The following HELLS variants were observed in gnomAD, a reference collection of about 807,000 sequenced individuals.
The protein encoded by HELLS is helicase, lymphoid specific, also known as lymphoid-specific helicase.
Under a neutral mutation model 120.0 loss-of-function variants are expected in HELLS, and 32 were observed. The observed-to-expected ratio is 0.27, with a 90% CI of 0.20 to 0.36. HELLS has a LOEUF of 0.36. Ranked by LOEUF, HELLS falls within the 10% of genes least tolerant of loss-of-function variation. HELLS has a pLI of 1.00. For synonymous variants in HELLS, 341 were observed against 323.4 expected (o/e 1.05, Z -0.58); for missense variants, 650 against 993.4 (o/e 0.65, Z 4.65).
chr10:94,586,623 T>C (rs1405091739), intron 12 of HELLS, among the ~76,000 whole-genome samples: 2 of 152,200 alleles, frequency 1.3e-5, no homozygotes, highest in Non-Finnish European at 2.9e-5. Context: ...GATTACTATA[T>C]GTAAACCATT....
chr10:94,567,916 T>G (rs1254733746), intron 6 of HELLS, among the ~76,000 whole-genome samples: 2 of 148,648 alleles, frequency 1.3e-5, no homozygotes, highest in African/African-American at 2.5e-5. Flanking sequence ...TTTTTTTTTT[T>G]TTTTTTTTTT....
chr10:94,561,168 C>T (rs1843539139), intron 4 of HELLS, among the ~76,000 whole-genome samples: 1 of 151,996 alleles, frequency 6.6e-6, no homozygotes, highest in Admixed American at 6.6e-5. Context: ...GACAGAGCTT[C>T]ACTATGTTGC....
chr10:94,592,188 C>A, intron 15 of HELLS, 41 bp from the exon 16 acceptor site: 1 of 1,421,342 alleles, frequency 7.0e-7, no homozygotes, highest in Admixed American at 2.0e-5. Context: ...AAGCAAATAA[C>A]AGTTTTCTCT....
At chr10:94,560,171 A>G (rs1843479854) in intron 4 of HELLS, among the ~76,000 whole-genome samples, 1 of 152,162 alleles carries the variant, frequency 6.6e-6, no homozygotes, top group African/African-American at 2.4e-5. Flanking sequence ...AGCTGGGATT[A>G]CAAGCACCTG....
At chr10:94,596,132 T>A (rs1047317629) in intron 19 of HELLS, among the ~76,000 whole-genome samples, 1 of 152,098 alleles carries the variant, frequency 6.6e-6, no homozygotes, top group African/African-American at 2.4e-5. Context: ...TATTTTCGAT[T>A]TTTTAGTAGA....
chr10:94,581,723 G>A (rs1844879101), intron 11 of HELLS, among the ~76,000 whole-genome samples: 1 of 152,142 alleles, frequency 6.6e-6, no homozygotes. Flanking sequence ...ATTGATTAAA[G>A]GAAGACTGCT....
intron 2 of HELLS, among the ~76,000 whole-genome samples, chr10:94,553,652 G>A (rs1188571325): frequency 1.4e-5 from 2 of 142,744 alleles, no homozygotes; most frequent in Admixed American, 1.4e-4. Context: ...GGGTTCAAGC[G>A]ATTCTCCTGC....
chr10:94,600,030 C>T lies in HELLS; in HGVS notation c.2423-1498C>T, dbSNP rs537436260. Among the ~76,000 whole-genome samples the T allele has an allele frequency of 4.6e-5, 7 of 152,142 alleles. No homozygotes were observed. The South Asian group carries it at 1.5e-3, about 32-fold the overall frequency. On this transcript the variant is annotated intron_variant, in intron 21 of 21. Coordinates refer to ENST00000348459, the MANE Select transcript of HELLS (RefSeq NM_018063.5). ...TGATGGCTGGGTGTGGTGGCTCATG[C>T]CTATAATCCTATCACTTTGGGAGGC...
Position 94,553,273 on chromosome 10 carries a change from G to C in HELLS, c.154-853G>C, listed in dbSNP as rs1843073570. Among the ~76,000 whole-genome samples, 9 of 151,004 alleles carry C rather than the reference G, an allele frequency of 6.0e-5. No homozygotes were observed. The South Asian group carries it at 1.9e-3, about 32-fold the overall frequency. ...ATACCTTTTTTTTTTTTTCCGGACGGAGTCTCACTCTGTCACCCAGGCTGG... is the reference window on the plus strand; with the variant it reads ...ATACCTTTTTTTTTTTTTCCGGACGCAGTCTCACTCTGTCACCCAGGCTGG... On this transcript the variant is annotated intron_variant, in intron 2 of 21. Coordinates refer to ENST00000348459, the MANE Select transcript of HELLS (RefSeq NM_018063.5).
intron 2 of HELLS, among the ~76,000 whole-genome samples, chr10:94,547,305 T>A (rs1279070407): frequency 1.3e-5 from 2 of 152,210 alleles, no homozygotes; most frequent in African/African-American, 4.8e-5. Context: ...TTTTTGTTAT[T>A]TTCATTTACA....
intron 2 of HELLS, 127 bp from the exon 3 acceptor site, chr10:94,553,999 C>G (rs1314664418): frequency 1.4e-5 from 10 of 714,432 alleles, no homozygotes; most frequent in Non-Finnish European, 2.2e-5. Flanking sequence ...TTATTTGTTC[C>G]AGTTTTTGGT....
chr10:94,587,663 G>A (rs1242087080), intron 12 of HELLS, among the ~76,000 whole-genome samples: 2 of 152,188 alleles, frequency 1.3e-5, no homozygotes, highest in Non-Finnish European at 2.9e-5. Context: ...CTTGACCCAG[G>A]TGATTCACCC....
chr10:94,576,977 T>C (rs530530978), intron 10 of HELLS, 172 bp downstream of exon 10: 2 of 611,554 alleles, frequency 3.3e-6, no homozygotes, highest in East Asian at 5.7e-5. Context: ...ACAGAATGAT[T>C]GGGATGAAGG....
chr10:94,584,418 A>C (rs192350150), intron 12 of HELLS, among the ~76,000 whole-genome samples: 1 of 152,210 alleles, frequency 6.6e-6, no homozygotes, highest in East Asian at 1.9e-4. Flanking sequence ...GACTCTGGGC[A>C]ATGACAGAAA....
At chr10:94,569,832 T>G (rs2134040869) in intron 6 of HELLS, 1 of 152,324 alleles carries the variant, frequency 6.6e-6, no homozygotes, top group Non-Finnish European at 1.5e-5. Context: ...ATGCGTATCT[T>G]GGGTCTCTTT....
chr10:94,596,748 A>G, intron 19 of HELLS, 112 bp from the exon 20 acceptor site: 1 of 589,072 alleles, frequency 1.7e-6, no homozygotes, highest in South Asian at 2.4e-5. Context: ...ATTTTTTATC[A>G]ACACTTTTTT....
chr10:94,571,561 T>G (rs1844167579), intron 7 of HELLS, 132 bp downstream of exon 7: 1 of 665,974 alleles, frequency 1.5e-6, no homozygotes, highest in African/African-American at 1.9e-5. Flanking sequence ...AAAAAATACC[T>G]ATGTATTCAC....
At chr10:94,587,576 C>T (rs1281339867) in intron 12 of HELLS, among the ~76,000 whole-genome samples, 1 of 152,000 alleles carries the variant, frequency 6.6e-6, no homozygotes, top group Admixed American at 6.6e-5. Context: ...TACAGGTACC[C>T]GCCAGCACAC....
chr10:94,602,437 A>G (rs1846071415), downstream of HELLS, among the ~76,000 whole-genome samples: 1 of 152,202 alleles, frequency 6.6e-6, no homozygotes, highest in Non-Finnish European at 1.5e-5. Flanking sequence ...AGAACAGCAT[A>G]AAGGCCAAAA....
Sources: allele counts gnomAD v4.1 joint callset (sites outside exome capture counted in the v4.1 genomes callset), GRCh38; gene constraint gnomAD v4.1.1; transcripts MANE v1.5; gene names NCBI Gene and HGNC (gene_info 2026-07-23, HGNC 2026-07-21).